CCDC88C: variants seen among roughly 807,000 people sequenced by gnomAD.
CCDC88C encodes protein Daple.
Under a neutral mutation model 198.8 loss-of-function variants are expected in CCDC88C, and 131 were observed. The observed-to-expected ratio is 0.66, with a 90% CI of 0.57 to 0.76. CCDC88C has a LOEUF of 0.76. Ranked by LOEUF, CCDC88C falls within the 30% of genes least tolerant of loss-of-function variation. CCDC88C has a pLI of 0.00. For missense variants in CCDC88C, 2,553 were observed against 2,631.6 expected, an observed-to-expected ratio of 0.97 and a Z score of 0.65; for synonymous variants, 1,166 against 1,114.7, an observed-to-expected ratio of 1.05 and a Z score of -0.92.
intron 3 of CCDC88C, among the ~76,000 whole-genome samples, chr14:91,369,642 T>A (rs970979264): frequency 2.0e-5 from 3 of 152,156 alleles, no homozygotes; most frequent in Non-Finnish European, 2.9e-5. Flanking sequence ...CAGGCCCACA[T>A]GCTTGTAACT....
At chr14:91,362,639 A>G (rs1383481326) in intron 3 of CCDC88C, among the ~76,000 whole-genome samples, 1 of 152,214 alleles carries the variant, frequency 6.6e-6, no homozygotes, top group Non-Finnish European at 1.5e-5. Flanking sequence ...CAATTAAGAA[A>G]TAACGTTTTG....
intron 10 of CCDC88C, among the ~76,000 whole-genome samples, chr14:91,333,597 G>A (rs1438138740): frequency 1.3e-5 from 2 of 152,220 alleles, no homozygotes; most frequent in African/African-American, 4.8e-5. Context: ...AACTGCTTGC[G>A]ATTCTGGAGG....
chr14:91,294,753 C>G (rs1020280204), intron 22 of CCDC88C, among the ~76,000 whole-genome samples: 1 of 152,236 alleles, frequency 6.6e-6, no homozygotes, highest in Admixed American at 6.5e-5. Context: ...CTCCTGGGTT[C>G]AAGCGACTCT....
chr14:91,386,233 C>A (rs1235634268), intron 3 of CCDC88C, among the ~76,000 whole-genome samples: 1 of 144,358 alleles, frequency 6.9e-6, no homozygotes, highest in Non-Finnish European at 1.5e-5. Flanking sequence ...CACTTGAGGA[C>A]AGGAGTTCGA....
At chr14:91,295,968 G>A (rs1890984376) in intron 22 of CCDC88C, among the ~76,000 whole-genome samples, 1 of 152,226 alleles carries the variant, frequency 6.6e-6, no homozygotes, top group Non-Finnish European at 1.5e-5. Flanking sequence ...GAGAAAAAGA[G>A]CACTGCCTGC....
chr14:91,340,173 T>C, intron 6 of CCDC88C, 149 bp from the exon 7 acceptor site: 1 of 1,119,962 alleles, frequency 8.9e-7, no homozygotes, highest in Non-Finnish European at 1.3e-6. Context: ...CCTACGCAAG[T>C]GTGGCCAAAC....
chr14:91,361,036 C>T (rs572440074), intron 3 of CCDC88C, among the ~76,000 whole-genome samples: 60 of 150,960 alleles, frequency 4.0e-4, no homozygotes, highest in African/African-American at 1.4e-3. Context: ...CCCAGCTACT[C>T]GGGAGGATTG....
intron 23 of CCDC88C, among the ~76,000 whole-genome samples, chr14:91,291,731 ACCAGATGC>A (rs1437336675): frequency 6.6e-6 from 1 of 152,172 alleles, no homozygotes; most frequent in Non-Finnish European, 1.5e-5. Context: ...TTCCCGAGAT[ACCAGATGC>A]CCAGATGATG....
intron 4 of CCDC88C, among the ~76,000 whole-genome samples, chr14:91,355,500 G>A (rs182000790): frequency 5.5e-4 from 84 of 152,296 alleles, no homozygotes; most frequent in African/African-American, 1.9e-3. Flanking sequence ...CCCTCCCCGG[G>A]GGCGTGGGTG....
chr14:91,306,934 C>A (rs552448686), intron 18 of CCDC88C, 104 bp downstream of exon 18: 14 of 1,256,732 alleles, frequency 1.1e-5, no homozygotes, highest in Non-Finnish European at 1.5e-5. Context: ...CTGGCTAAAT[C>A]TCCTGTGTTC....
rs371792413 is a variant in CCDC88C at position 91,416,852 on chromosome 14, G to C, written c.61-14C>G. The C allele has an allele frequency of 8.2e-6, 13 of 1,588,228 alleles. No homozygotes were observed. The highest frequency in any genetic ancestry group is 2.2e-5 in the East Asian group (1 of 44,642). On this transcript the variant is annotated splice_polypyrimidine_tract_variant and intron_variant, in intron 1 of 29. Transcript: ENST00000389857. ...AAAAGTTTTCACCTGCGGGGAGGGGGACGAGGAGAGAAAGACAGGAAGTCA... is the reference window on the plus strand; with the variant it reads ...AAAAGTTTTCACCTGCGGGGAGGGGCACGAGGAGAGAAAGACAGGAAGTCA...
Position 91,273,662 on chromosome 14 carries a change from A to C in CCDC88C, c.5059-9T>G. 1 of 1,450,806 alleles carries C rather than the reference A, an allele frequency of 6.9e-7. No homozygotes were observed. Among genetic ancestry groups the C allele is most frequent in the Non-Finnish European group, 9.1e-7 (1 of 1,099,138 alleles). The allele number at this position is 1,450,806 out of a possible 1,614,324, so 89.9% of individuals were successfully genotyped here. ...CGGCAACTGGGAGTGTCCTACGGAG[A>C]AGAGAGTGAAGGTTGGAGGTGGGCA... On this transcript the variant is annotated splice_polypyrimidine_tract_variant and intron_variant, in intron 29 of 29. Transcript: ENST00000389857. The surrounding 1 kb of genome is among the most constrained non-coding windows in gnomAD (Gnocchi z 5.6).
intron 3 of CCDC88C, among the ~76,000 whole-genome samples, chr14:91,388,350 C>G (rs751268184): frequency 6.6e-6 from 1 of 152,236 alleles, no homozygotes; most frequent in East Asian, 1.9e-4. Context: ...AATGAGGGGA[C>G]TGGGCCTCGT....
chr14:91,312,744 T>C (rs7152523), intron 15 of CCDC88C, among the ~76,000 whole-genome samples: 3,167 of 152,306 alleles, frequency 0.021, 126 homozygotes, highest in African/African-American at 0.072. Context: ...TGGGAAATTG[T>C]GGCTTTGAAA....
At chr14:91,359,611 C>A (rs372337181) in intron 4 of CCDC88C, 31 bp downstream of exon 4, 87 of 1,581,382 alleles carry the variant, frequency 5.5e-5, no homozygotes, top group Non-Finnish European at 6.6e-5. Flanking sequence ...GGCTGGGCAC[C>A]ACAGGGGAGA....
At chr14:91,413,751 A>T (rs1456394126) in intron 2 of CCDC88C, among the ~76,000 whole-genome samples, 1 of 152,182 alleles carries the variant, frequency 6.6e-6, no homozygotes, top group African/African-American at 2.4e-5. Context: ...CGGTTGCCGG[A>T]GACAATGGCC....
chr14:91,386,651 T>G (rs1885167395), intron 3 of CCDC88C, among the ~76,000 whole-genome samples: 1 of 152,236 alleles, frequency 6.6e-6, no homozygotes, highest in African/African-American at 2.4e-5. Context: ...TTTCTGCTCA[T>G]GCAGCTTGCA....
chr14:91,369,943 C>A (rs1457661697), intron 3 of CCDC88C, among the ~76,000 whole-genome samples: 1 of 152,236 alleles, frequency 6.6e-6, no homozygotes, highest in Non-Finnish European at 1.5e-5. Flanking sequence ...CATCAGAAAA[C>A]CCCCTCCCAC....
chr14:91,337,864 G>A (rs1219611248), intron 10 of CCDC88C, 141 bp downstream of exon 10: 3 of 991,116 alleles, frequency 3.0e-6, no homozygotes, highest in Admixed American at 2.2e-5. Flanking sequence ...GGAAGCCCAG[G>A]CAGGCTGAGG....
Sources: allele counts gnomAD v4.1 joint callset (sites outside exome capture counted in the v4.1 genomes callset), GRCh38; gene constraint gnomAD v4.1.1; non-coding constraint Gnocchi (gnomAD v3.1); transcripts MANE v1.5; gene names NCBI Gene and HGNC (gene_info 2026-07-23, HGNC 2026-07-21).